Variants in SPINK4 observed in about 807,000 individuals in gnomAD.
SPINK4 encodes serine protease inhibitor Kazal-type 4.
Under a neutral mutation model 12.3 loss-of-function variants are expected in SPINK4, and 10 were observed. The observed-to-expected ratio is 0.81, with a 90% confidence interval of 0.50 to 1.37. The LOEUF (loss-of-function observed/expected upper bound fraction) is 1.37. SPINK4 is among the 40% of genes most tolerant of loss of function. The probability of loss-of-function intolerance (pLI) is 0.00; values close to 1 mark genes in which losing one functional copy is unlikely to be tolerated. For missense variants in SPINK4, 91 were observed against 109.0 expected, an observed-to-expected ratio of 0.84 and a Z score of 0.73; for synonymous variants, 37 against 40.2, an observed-to-expected ratio of 0.92 and a Z score of 0.30.
Position 33,248,499 on chromosome 9 carries a change from G to T in SPINK4, c.*28G>T, listed in dbSNP as rs746029496. ...CCACAGGAGCACCTCAAGCCATGAA[G>T]TGTCAGCTGGAGAACAGTGGTGGGC... On this transcript the variant is annotated 3_prime_UTR_variant, in exon 4 of 4. Transcript: ENST00000379721. 1.1e-5 allele frequency: 17 copies of T among 1,613,406 alleles called. No homozygotes were observed. The highest frequency in any genetic ancestry group is 1.4e-5 in the Non-Finnish European group (16 of 1,179,834).
intron 3 of SPINK4, 152 bp from the exon 4 acceptor site, chr9:33,248,274 G>A: frequency 1.5e-6 from 1 of 674,358 alleles, no homozygotes; most frequent in Non-Finnish European, 2.5e-6. Context: ...GTAGAAGGAT[G>A]TGCCCATGGA....
At chr9:33,247,396 G>A (rs985731464) in intron 3 of SPINK4, among the ~76,000 whole-genome samples, 44 of 150,562 alleles carry the variant, frequency 2.9e-4, no homozygotes, top group African/African-American at 9.3e-4. Context: ...TCGAACTCCC[G>A]ATCTCAAGTG....
intron 1 of SPINK4, among the ~76,000 whole-genome samples, chr9:33,244,686 C>T (rs778970933): frequency 2.0e-5 from 3 of 152,124 alleles, no homozygotes; most frequent in Non-Finnish European, 2.9e-5. Flanking sequence ...CAGACTTGCG[C>T]GAGGGCTCTT....
At position 33,246,630 on chromosome 9, in the gene SPINK4, C is replaced by T; in HGVS notation, c.117C>T (p.His39=). Residue 39 remains histidine, a synonymous_variant, in exon 3 of 4, where the codon CAC becomes CAT. Coordinates refer to ENST00000379721, the MANE Select transcript of SPINK4 (RefSeq NM_014471.3). The part of the protein sequence containing the change: ...LPFSRMPICE[H]MVESPTCSQM... ...CTCTTCCACAGCCCATCTGTGAACA[C>T]ATGGTAGAGTCTCCAACCTGTTCCC... The T allele has an allele frequency of 1.2e-6, 2 of 1,613,836 alleles. No homozygotes were observed. The highest frequency in any genetic ancestry group is 1.7e-6 in the Non-Finnish European group (2 of 1,179,810).
chr9:33,248,344 C>A, intron 3 of SPINK4, 82 bp from the exon 4 acceptor site: 2 of 1,468,066 alleles, frequency 1.4e-6, no homozygotes, highest in Non-Finnish European at 1.9e-6. Flanking sequence ...AGCAGGATGT[C>A]TGGATGGACT....
Position 33,248,550 on chromosome 9 carries a change from AAGATCC to A in SPINK4, c.*82_*87del. On this transcript the variant is annotated 3_prime_UTR_variant, in exon 4 of 4. Coordinates refer to ENST00000379721, the MANE Select transcript of SPINK4 (RefSeq NM_014471.3). ...ATGGAGAGGATATGACATGAAATAA[AAGATCC>A]AGCCCAACTGAGTGAAGTGGTCAGT... 6.4e-7 allele frequency: 1 copy of A among 1,550,854 alleles called. No individual in the cohort carries two copies.
chr9:33,248,319 A>T (rs1180537752), intron 3 of SPINK4, 107 bp from the exon 4 acceptor site: 1 of 1,147,168 alleles, frequency 8.7e-7, no homozygotes, highest in East Asian at 2.4e-5. Context: ...TACACTGCAT[A>T]TGTGGGCGAC....
At chr9:33,240,932 A>G (rs1224435511) in intron 1 of SPINK4, among the ~76,000 whole-genome samples, 1 of 152,244 alleles carries the variant, frequency 6.6e-6, no homozygotes, top group Non-Finnish European at 1.5e-5. Context: ...GGGAAAGGCA[A>G]TAAACAAGAT....
chr9:33,246,860 C>T lies in SPINK4; in HGVS notation c.215+132C>T, dbSNP rs1587781249. On this transcript the variant is annotated intron_variant, in intron 3 of 3. Coordinates refer to ENST00000379721, the MANE Select transcript of SPINK4 (RefSeq NM_014471.3). ...TGAGAAGAGTCCTCCAACATATGCC[C>T]CTAATAGAATGAGTGCCAGATTAAC... is the stretch of plus-strand genomic sequence containing the variant. 8 of 697,650 alleles carry T rather than the reference C, an allele frequency of 1.1e-5. No individual in the cohort carries two copies. In the East Asian group the frequency reaches 2.2e-4, roughly 19 times the overall value. The allele number at this position is 697,650 out of a possible 1,614,324, so 43.2% of individuals were successfully genotyped here. A position where few individuals can be genotyped will look rare whatever the true frequency, so the allele number is the denominator to read the frequency against.
chr9:33,242,321 C>A (rs755907343), intron 1 of SPINK4, among the ~76,000 whole-genome samples: 2 of 151,956 alleles, frequency 1.3e-5, no homozygotes, highest in Non-Finnish European at 2.9e-5. Flanking sequence ...AGCCTCCATC[C>A]AGATCTGCTC....
In SPINK4 at chr9:33,248,475, C is replaced by G; in HGVS notation, c.*4C>G. 1 of 1,613,984 alleles carries G rather than the reference C, an allele frequency of 6.2e-7. No homozygotes were observed. Among genetic ancestry groups the G allele is most frequent in the Admixed American group, 1.7e-5 (1 of 60,018 alleles). On this transcript the variant is annotated 3_prime_UTR_variant, in exon 4 of 4. Coordinates refer to ENST00000379721, the MANE Select transcript of SPINK4 (RefSeq NM_014471.3). ...CATGAAAGATGGCAAATGCTGATCC[C>G]ACAGGAGCACCTCAAGCCATGAAGT...
intron 2 of SPINK4, among the ~76,000 whole-genome samples, chr9:33,245,694 AGTG>A (rs1440394103): frequency 6.6e-6 from 1 of 152,198 alleles, no homozygotes; most frequent in East Asian, 1.9e-4. Flanking sequence ...CCCTTCATGT[AGTG>A]GAATGAGGAG....
intron 3 of SPINK4, among the ~76,000 whole-genome samples, chr9:33,246,990 C>G (rs1221533792): frequency 6.6e-6 from 1 of 151,932 alleles, no homozygotes; most frequent in East Asian, 1.9e-4. Flanking sequence ...ACTAGGTGAC[C>G]TCATCTGTTT....
Position 33,245,123 on chromosome 9 carries a change from G to A in SPINK4, c.73G>A (p.Ala25Thr). Residue 25 changes from alanine (A) to threonine (T), a missense_variant, in exon 2 of 4, where the codon GCA (alanine) becomes ACA (threonine). Transcript: ENST00000379721. ...TCTTTGTGTTTCAGAAGTGCCAGTG[G>A]CAGCAGGAAAGCTCCCTTTCTCAAG... is the stretch of plus-strand genomic sequence containing the variant. The part of the protein sequence containing the change: ...LLVVDREVPV[A>T]AGKLPFSRMP... The A allele has an allele frequency of 6.2e-7, 1 of 1,613,778 alleles. No individual in the cohort carries two copies. The highest frequency in any genetic ancestry group is 1.1e-5 in the South Asian group (1 of 91,050).
intron 1 of SPINK4, among the ~76,000 whole-genome samples, chr9:33,241,664 A>G (rs954103759): frequency 3.4e-5 from 5 of 145,718 alleles, no homozygotes; most frequent in African/African-American, 1.4e-4. Context: ...CCTGCTCTGA[A>G]GAAGTTTGGT....
intron 3 of SPINK4, 97 bp from the exon 4 acceptor site, chr9:33,248,329 C>T (rs1564074773): frequency 9.2e-6 from 12 of 1,307,740 alleles, no homozygotes; most frequent in South Asian, 5.0e-5. Flanking sequence ...ATGTGGGCGA[C>T]GCTCAGCAGG....
chr9:33,247,722 T>G (rs138195301), intron 3 of SPINK4: 1 of 152,590 alleles, frequency 6.6e-6, no homozygotes, highest in African/African-American at 2.4e-5. Flanking sequence ...AGATCACCTA[T>G]TGGCTCTTAG....
At position 33,248,080 on chromosome 9, in the gene SPINK4, G is replaced by C. The variant is rs565471980; in HGVS notation, c.216-346G>C. The C allele has an allele frequency of 1.1e-5, 3 of 270,412 alleles. No individual in the cohort carries two copies. In the East Asian group the frequency reaches 2.4e-4, roughly 21 times the overall value. The allele number at this position is 270,412 out of a possible 1,614,324, so 16.8% of individuals were successfully genotyped here. ...TGGGGGTCTGTACCAGTTCTGTGGG[G>C]GGCAGTGATGTTTGTGGACAGTTGA... On this transcript the variant is annotated intron_variant, in intron 3 of 3. Coordinates refer to ENST00000379721, the MANE Select transcript of SPINK4 (RefSeq NM_014471.3).
At chr9:33,244,807 A>G (rs995592064) in intron 1 of SPINK4, among the ~76,000 whole-genome samples, 2 of 152,220 alleles carry the variant, frequency 1.3e-5, no homozygotes, top group Admixed American at 6.5e-5. Flanking sequence ...CCGGCACATA[A>G]TAACTGCTGA....
Sources: allele counts gnomAD v4.1 joint callset (sites outside exome capture counted in the v4.1 genomes callset), GRCh38; gene constraint gnomAD v4.1.1; transcripts MANE v1.5; gene names NCBI Gene and HGNC (gene_info 2026-07-23, HGNC 2026-07-21).